The following MACROD2 variants were observed in gnomAD, a reference collection of about 807,000 sequenced individuals.
The protein encoded by MACROD2 is mono-ADP ribosylhydrolase 2, also known as ADP-ribose glycohydrolase MACROD2.
In MACROD2, 36 loss-of-function variants were observed where a neutral mutation model predicts 70.4. That is an observed-to-expected ratio of 0.51 (90% CI 0.39 to 0.68). The LOEUF is 0.68. Ranked by LOEUF, MACROD2 falls within the 30% of genes least tolerant of loss-of-function variation. MACROD2 has a pLI of 0.00. For synonymous variants in MACROD2, 172 were observed against 178.8 expected (o/e 0.96, Z 0.30); for missense variants, 496 against 538.4 (o/e 0.92, Z 0.78).
At chr20:15,413,512 G>A (rs537889853) in intron 6 of MACROD2, among the ~76,000 whole-genome samples, 1 of 152,274 alleles carries the variant, frequency 6.6e-6, no homozygotes, top group South Asian at 2.1e-4. Flanking sequence ...TAGTAGAGGA[G>A]GATGAAGGAA....
intron 3 of MACROD2, among the ~76,000 whole-genome samples, chr20:14,455,101 A>G (rs1406942450): frequency 6.6e-6 from 1 of 151,828 alleles, no homozygotes. Flanking sequence ...CATACAAAAC[A>G]CATACAAATA....
chr20:15,758,487 G>A (rs921557527), intron 8 of MACROD2, among the ~76,000 whole-genome samples: 1 of 151,002 alleles, frequency 6.6e-6, no homozygotes, highest in African/African-American at 2.4e-5. Context: ...TGATCCGACT[G>A]CCTCAGCCTC....
chr20:14,430,691 G>A (rs1219377668), intron 3 of MACROD2, among the ~76,000 whole-genome samples: 2 of 152,054 alleles, frequency 1.3e-5, no homozygotes, highest in Non-Finnish European at 2.9e-5. Context: ...TTTTGGTCAG[G>A]CCTATAGTGT....
intron 7 of MACROD2, among the ~76,000 whole-genome samples, chr20:15,491,900 A>G (rs540633896): frequency 6.6e-6 from 1 of 152,338 alleles, no homozygotes; most frequent in South Asian, 2.1e-4. Context: ...TTGTTACCCA[A>G]CTTATGAATA....
chr20:14,516,646 G>A (rs891133040), intron 4 of MACROD2, among the ~76,000 whole-genome samples: 5 of 152,084 alleles, frequency 3.3e-5, no homozygotes, highest in Admixed American at 6.6e-5. Context: ...GCTCTGTTCT[G>A]TTCCATTGGT....
chr20:14,395,052 T>A (rs1484750758), intron 3 of MACROD2, among the ~76,000 whole-genome samples: 1 of 152,136 alleles, frequency 6.6e-6, no homozygotes, highest in African/African-American at 2.4e-5. Context: ...TTTCTTTTTT[T>A]AAATGTCTTT....
At chr20:14,151,543 C>G (rs1004625436) in intron 3 of MACROD2, among the ~76,000 whole-genome samples, 9 of 152,100 alleles carry the variant, frequency 5.9e-5, no homozygotes, top group Admixed American at 1.3e-4. Context: ...TGTGCCTTCC[C>G]CCTCTGATCT....
At chr20:14,262,893 A>G (rs1601411895) in intron 3 of MACROD2, among the ~76,000 whole-genome samples, 1 of 152,344 alleles carries the variant, frequency 6.6e-6, no homozygotes, top group African/African-American at 2.4e-5. Context: ...ATTGAAGAGT[A>G]AAGAGAAAAT....
At chr20:14,408,723 T>G (rs1057098522) in intron 3 of MACROD2, among the ~76,000 whole-genome samples, 1 of 152,176 alleles carries the variant, frequency 6.6e-6, no homozygotes, top group African/African-American at 2.4e-5. Flanking sequence ...TAGATAACTA[T>G]TAGTTGAATA....
intron 8 of MACROD2, among the ~76,000 whole-genome samples, chr20:15,554,119 AAG>A (rs982441318): frequency 6.6e-6 from 1 of 152,184 alleles, no homozygotes; most frequent in Non-Finnish European, 1.5e-5. Context: ...CTGGACTGGA[AAG>A]AGATGTAGGA....
At chr20:15,181,812 G>A (rs897022991) in intron 5 of MACROD2, among the ~76,000 whole-genome samples, 1 of 151,944 alleles carries the variant, frequency 6.6e-6, no homozygotes, top group Non-Finnish European at 1.5e-5. Context: ...GCTTTTTATT[G>A]CTAAATTCAA....
chr20:14,493,525 A>C lies in MACROD2; in HGVS notation c.301+17A>C. On this transcript the variant is annotated intron_variant, in intron 4 of 17. Coordinates refer to ENST00000684519, the MANE Select transcript of MACROD2 (RefSeq NM_001351661.2). ...GAGGAGGTGGTAAGTCCTGAACATC[A>C]CTTAACTTAAAATACATTTTAATTG... is the stretch of plus-strand genomic sequence containing the variant. 6.2e-7 allele frequency: 1 copy of C among 1,600,734 alleles called. No individual in the cohort carries two copies. Among genetic ancestry groups the C allele is most frequent in the Non-Finnish European group, 8.5e-7 (1 of 1,169,938 alleles).
At chr20:15,245,071 A>G (rs2077093840) in intron 6 of MACROD2, among the ~76,000 whole-genome samples, 1 of 152,226 alleles carries the variant, frequency 6.6e-6, no homozygotes, top group South Asian at 2.1e-4. Flanking sequence ...ACCATTCAAC[A>G]TGGTAGTGTT....
intron 5 of MACROD2, among the ~76,000 whole-genome samples, chr20:15,106,623 C>A (rs950485223): frequency 5.3e-5 from 8 of 152,160 alleles, no homozygotes; most frequent in African/African-American, 1.2e-4. Context: ...AAGATCCTCT[C>A]CTAGCGTGGA....
At chr20:15,160,605 G>C (rs997073255) in intron 5 of MACROD2, among the ~76,000 whole-genome samples, 1 of 151,964 alleles carries the variant, frequency 6.6e-6, no homozygotes, top group Admixed American at 6.6e-5. Context: ...AAATAGACAC[G>C]ATCCCATTTA....
intron 5 of MACROD2, among the ~76,000 whole-genome samples, chr20:14,792,356 C>T (rs898467972): frequency 3.9e-5 from 6 of 151,962 alleles, no homozygotes; most frequent in Non-Finnish European, 5.9e-5. Context: ...CCTACTTGAC[C>T]GTAGTAAACA....
intron 8 of MACROD2, among the ~76,000 whole-genome samples, chr20:15,619,301 G>A (rs958634895): frequency 2.0e-5 from 3 of 152,172 alleles, no homozygotes; most frequent in East Asian, 1.9e-4. Context: ...TATAAACTAC[G>A]TTCTTCCCAA....
intron 8 of MACROD2, among the ~76,000 whole-genome samples, chr20:15,739,778 G>A (rs2051077463): frequency 6.6e-6 from 1 of 152,152 alleles, no homozygotes; most frequent in African/African-American, 2.4e-5. Flanking sequence ...TGATAGAAGG[G>A]TAAGGAATGA....
At chr20:14,740,532 T>G (rs975451309) in intron 5 of MACROD2, among the ~76,000 whole-genome samples, 6 of 152,206 alleles carry the variant, frequency 3.9e-5, no homozygotes, top group Admixed American at 2.6e-4. Context: ...TAAATTAAAC[T>G]ATCTTGCATA....
Sources: allele counts gnomAD v4.1 joint callset (sites outside exome capture counted in the v4.1 genomes callset), GRCh38; gene constraint gnomAD v4.1.1; transcripts MANE v1.5; gene names NCBI Gene and HGNC (gene_info 2026-07-23, HGNC 2026-07-21).